CERS6: variants seen among roughly 807,000 people sequenced by gnomAD.
The protein encoded by CERS6 is LAG1 homolog, ceramide synthase 6.
In CERS6, 26 loss-of-function variants were observed where a neutral mutation model predicts 56.8. The ratio of observed to expected loss-of-function variants is 0.46; its 90% CI spans 0.34 to 0.63. The LOEUF (loss-of-function observed/expected upper bound fraction) is 0.63. Among genes scored for constraint, CERS6 ranks in the 30% least tolerant of loss-of-function variants. CERS6 has a pLI of 0.01. For synonymous variants in CERS6, 164 were observed against 173.3 expected, an observed-to-expected ratio of 0.95 and a Z score of 0.42; for missense variants, 415 against 467.5, an observed-to-expected ratio of 0.89 and a Z score of 1.04.
At chr2:168,582,222 C>A (rs140394216) in intron 3 of CERS6, among the ~76,000 whole-genome samples, 1 of 152,172 alleles carries the variant, frequency 6.6e-6, no homozygotes, top group Admixed American at 6.5e-5. Context: ...TGCGCAGTGT[C>A]TTCTATAATA....
At chr2:168,647,691 T>C (rs891176352) in intron 4 of CERS6, among the ~76,000 whole-genome samples, 5 of 152,212 alleles carry the variant, frequency 3.3e-5, no homozygotes, top group Non-Finnish European at 7.3e-5. Context: ...GTTCTTTCAA[T>C]ACCTAGTTTA....
At chr2:168,575,830 T>G (rs1559004806) in intron 3 of CERS6, among the ~76,000 whole-genome samples, 1 of 152,144 alleles carries the variant, frequency 6.6e-6, no homozygotes, top group Non-Finnish European at 1.5e-5. Context: ...GCTCAAGTTC[T>G]GCCCACCTGC....
intron 8 of CERS6, among the ~76,000 whole-genome samples, chr2:168,764,085 A>G (rs1684658981): frequency 6.6e-6 from 1 of 152,142 alleles, no homozygotes; most frequent in South Asian, 2.1e-4. Flanking sequence ...ATTTTTCCTA[A>G]TTCAAATACA....
At chr2:168,686,791 C>G (rs1686365020) in intron 4 of CERS6, among the ~76,000 whole-genome samples, 1 of 152,136 alleles carries the variant, frequency 6.6e-6, no homozygotes, top group Admixed American at 6.6e-5. Context: ...AATTACGGTT[C>G]CTCTCTGAGA....
chr2:168,494,260 G>A (rs1189074494), intron 1 of CERS6, among the ~76,000 whole-genome samples: 1 of 152,144 alleles, frequency 6.6e-6, no homozygotes, highest in Non-Finnish European at 1.5e-5. Flanking sequence ...CTTGCTCCCT[G>A]GTAGATTCCC....
intron 3 of CERS6, among the ~76,000 whole-genome samples, chr2:168,615,982 A>T (rs1684307800): frequency 6.6e-6 from 1 of 152,214 alleles, no homozygotes; most frequent in Non-Finnish European, 1.5e-5. Flanking sequence ...AGCACCAGGT[A>T]ACCTATAAAG....
intron 3 of CERS6, among the ~76,000 whole-genome samples, chr2:168,575,284 T>C (rs745922223): frequency 5.3e-5 from 8 of 152,072 alleles, no homozygotes; most frequent in Non-Finnish European, 1.0e-4. Flanking sequence ...GGAGACTAGG[T>C]AATTTATAAA....
At chr2:168,598,268 G>A (rs897824336) in intron 3 of CERS6, among the ~76,000 whole-genome samples, 16 of 152,170 alleles carry the variant, frequency 1.1e-4, no homozygotes, top group African/African-American at 3.9e-4. Context: ...TCTAAATAAA[G>A]TGCTTGAGAG....
At chr2:168,536,157 C>T (rs1486286203) in intron 1 of CERS6, among the ~76,000 whole-genome samples, 1 of 152,140 alleles carries the variant, frequency 6.6e-6, no homozygotes, top group Non-Finnish European at 1.5e-5. Flanking sequence ...CCTATGATGA[C>T]AGAGTATTTT....
intron 1 of CERS6, among the ~76,000 whole-genome samples, chr2:168,527,756 T>C (rs1038726651): frequency 3.3e-5 from 5 of 152,152 alleles, no homozygotes; most frequent in Admixed American, 2.0e-4. Flanking sequence ...AGTTTGGCGC[T>C]ATTGCCCAGG....
At chr2:168,586,295 A>G (rs1000241318) in intron 3 of CERS6, among the ~76,000 whole-genome samples, 3 of 152,120 alleles carry the variant, frequency 2.0e-5, no homozygotes, top group Admixed American at 2.0e-4. Context: ...TTGATTTACA[A>G]TTAAAGAAAA....
chr2:168,756,562 G>A (rs1002443397), intron 8 of CERS6, among the ~76,000 whole-genome samples: 8 of 152,180 alleles, frequency 5.3e-5, no homozygotes, highest in African/African-American at 1.9e-4. Flanking sequence ...AAGCAGGCAG[G>A]GCCTGGCATA....
intron 4 of CERS6, among the ~76,000 whole-genome samples, chr2:168,688,971 C>T (rs1171891334): frequency 2.6e-5 from 4 of 152,138 alleles, no homozygotes; most frequent in Admixed American, 6.6e-5. Flanking sequence ...TTCTGAACGA[C>T]GGATTTTTCT....
intron 6 of CERS6, among the ~76,000 whole-genome samples, chr2:168,709,502 G>T (rs80113465): frequency 0.02 from 3,112 of 152,096 alleles, 106 homozygotes; most frequent in African/African-American, 0.071. Context: ...GAACATAGAA[G>T]GAGCCCTTGA....
chr2:168,630,582 C>A (rs1387611425), intron 3 of CERS6, among the ~76,000 whole-genome samples: 1 of 152,022 alleles, frequency 6.6e-6, no homozygotes, highest in Non-Finnish European at 1.5e-5. Context: ...AATATTAACT[C>A]TTTTAAAACA....
At chr2:168,487,737 TAA>T (rs1241773460) in intron 1 of CERS6, among the ~76,000 whole-genome samples, 5 of 152,164 alleles carry the variant, frequency 3.3e-5, no homozygotes, top group Non-Finnish European at 5.9e-5. Context: ...TAATTTTTAT[TAA>T]GAGACAGGAT....
At chr2:168,573,787 C>T (rs534314047) in intron 3 of CERS6, among the ~76,000 whole-genome samples, 1 of 152,098 alleles carries the variant, frequency 6.6e-6, no homozygotes, top group East Asian at 1.9e-4. Flanking sequence ...GGGGTTGGAG[C>T]AGGCCCCAAT....
At chr2:168,737,338 G>A (rs530281482) in intron 8 of CERS6, among the ~76,000 whole-genome samples, 17 of 152,326 alleles carry the variant, frequency 1.1e-4, no homozygotes, top group East Asian at 3.9e-4. Context: ...GCAGAAAGAC[G>A]CTTAGTCACA....
chr2:168,755,328 C>T (rs1358547219), intron 8 of CERS6, among the ~76,000 whole-genome samples: 1 of 152,196 alleles, frequency 6.6e-6, no homozygotes, highest in Non-Finnish European at 1.5e-5. Flanking sequence ...ATGGCTCTAG[C>T]TCTCTTAAAT....
Sources: allele counts gnomAD v4.1 joint callset (sites outside exome capture counted in the v4.1 genomes callset), GRCh38; gene constraint gnomAD v4.1.1; transcripts MANE v1.5; gene names NCBI Gene and HGNC (gene_info 2026-07-23, HGNC 2026-07-21).